PTOV1: variants seen among roughly 807,000 people sequenced by gnomAD.
PTOV1 encodes PTOV1 extended AT-hook containing adaptor protein.
PTOV1 carries 20 observed loss-of-function variants against 58.0 expected under a neutral mutation model. The observed-to-expected ratio is 0.34, with a 90% CI of 0.24 to 0.50. The LOEUF (loss-of-function observed/expected upper bound fraction) is 0.50, where lower values mean the gene tolerates loss of function less well. Among genes scored for constraint, PTOV1 ranks in the 20% least tolerant of loss-of-function variants. The pLI is 0.98. For missense variants in PTOV1, 593 were observed against 565.4 expected, an observed-to-expected ratio of 1.05 and a Z score of -0.50; for synonymous variants, 335 against 234.2, an observed-to-expected ratio of 1.43 and a Z score of -3.93.
exon 12 of PTOV1, chr19:49,860,475 T>C (rs1468825195): frequency 3.6e-6 from 3 of 833,182 alleles, no homozygotes; most frequent in African/African-American, 3.4e-5. Context: ...TCCTAGGCTG[T>C]CGGGAAACTG....
intron 3 of PTOV1, 45 bp downstream of exon 3, chr19:49,854,779 G>C: frequency 6.2e-7 from 1 of 1,613,116 alleles, no homozygotes; most frequent in South Asian, 1.1e-5. Context: ...AGGGGCAGTG[G>C]CTGTGGCCGT....
intron 1 of PTOV1, chr19:49,853,092 A>T (rs1032132748): frequency 6.6e-6 from 1 of 152,216 alleles, no homozygotes; most frequent in African/African-American, 2.4e-5. Flanking sequence ...GCGTGGGTGG[A>T]GAGCAAGTTT....
chr19:49,853,493 T>TAAAAA (rs34050372), intron 1 of PTOV1, among the ~76,000 whole-genome samples: 1 of 113,596 alleles, frequency 8.8e-6, no homozygotes. Flanking sequence ...CCATCTCTAC[T>TAAAAA]AAAAAAAAAA....
chr19:49,856,996 C>A, exon 6 of PTOV1: 3 of 1,613,470 alleles, frequency 1.9e-6, no homozygotes, highest in South Asian at 2.2e-5. Context: ...GCTGTTCCCC[C>A]ACATCTCCCC....
At chr19:49,851,804 G>T (rs1234840118) in intron 1 of PTOV1, 3 of 1,026,840 alleles carry the variant, frequency 2.9e-6, no homozygotes, top group African/African-American at 1.7e-5. Flanking sequence ...CAGCCGGCAC[G>T]CTCGCTTGTT....
exon 3 of PTOV1, chr19:49,854,674 C>T: frequency 3.1e-6 from 5 of 1,613,538 alleles, no homozygotes; most frequent in Non-Finnish European, 4.2e-6. Flanking sequence ...TACTCTGACT[C>T]CACTGCAAAG....
chr19:49,851,027 GGA>G, upstream of PTOV1: 1 of 1,526,196 alleles, frequency 6.6e-7, no homozygotes, highest in Non-Finnish European at 8.8e-7. Flanking sequence ...CCCCCGCGCC[GGA>G]GAGGCCCGCA....
At chr19:49,857,165 AG>A (rs2074508573) in intron 6 of PTOV1, 35 bp downstream of exon 6, 1 of 1,609,716 alleles carries the variant, frequency 6.2e-7, no homozygotes, top group Middle Eastern at 1.7e-4. Flanking sequence ...CTGGGGACAG[AG>A]GGGGATTAGA....
chr19:49,860,650 A>C (rs1243935059), exon 12 of PTOV1: 3 of 424,904 alleles, frequency 7.1e-6, no homozygotes, highest in African/African-American at 4.0e-5. Context: ...TGGGGACTTC[A>C]ACTGCCCAGC....
exon 11 of PTOV1, chr19:49,860,045 G>A: frequency 1.2e-6 from 2 of 1,614,220 alleles, no homozygotes; most frequent in Non-Finnish European, 8.5e-7. Flanking sequence ...TTATGCTCCT[G>A]TACTCTTCAG....
intron 9 of PTOV1, 110 bp downstream of exon 9, chr19:49,858,224 G>A (rs967814402): frequency 1.6e-5 from 21 of 1,345,522 alleles, no homozygotes; most frequent in East Asian, 7.5e-5. Context: ...GTGAGGGAGC[G>A]GAGCTGAGGG....
exon 1 of PTOV1, chr19:49,851,191 G>T: frequency 8.2e-7 from 1 of 1,216,786 alleles, no homozygotes; most frequent in Non-Finnish European, 1.0e-6. Flanking sequence ...CACTCCGGCG[G>T]CGCGTCCCCC....
chr19:49,851,086 G>A, upstream of PTOV1: 1 of 1,447,332 alleles, frequency 6.9e-7, no homozygotes, highest in Non-Finnish European at 9.1e-7. Context: ...CCGCTCCCCC[G>A]CGCCGCCTTG....
intron 7 of PTOV1, 49 bp downstream of exon 7, chr19:49,857,831 C>G: frequency 1.2e-6 from 2 of 1,612,664 alleles, no homozygotes. Flanking sequence ...TCCTCACGGA[C>G]TGTGGCTGGG....
chr19:49,850,836 T>A, upstream of PTOV1: 1 of 1,533,760 alleles, frequency 6.5e-7, no homozygotes, highest in African/African-American at 1.4e-5. Context: ...TCTTCCCTGA[T>A]GTATTTTGGC....
At chr19:49,858,836 C>A (rs1280684821) in intron 10 of PTOV1, 183 bp downstream of exon 10, 3 of 576,264 alleles carry the variant, frequency 5.2e-6, no homozygotes, top group African/African-American at 1.9e-5. Flanking sequence ...CTGGATGGGG[C>A]ACTGACCCTG....
intron 1 of PTOV1, chr19:49,852,884 C>T (rs191839256): frequency 6.6e-6 from 1 of 152,336 alleles, no homozygotes; most frequent in African/African-American, 2.4e-5. Context: ...AAAGTCACCT[C>T]CAGCTGTGCG....
chr19:49,850,847 G>A (rs1455129436), upstream of PTOV1: 4 of 1,534,868 alleles, frequency 2.6e-6, no homozygotes, highest in Non-Finnish European at 3.5e-6. Flanking sequence ...GTATTTTGGC[G>A]CGGTCTCCTG....
chr19:49,851,827 G>C, intron 1 of PTOV1: 1 of 1,002,248 alleles, frequency 1.0e-6, no homozygotes, highest in Non-Finnish European at 1.2e-6. Context: ...TCCTATTGGA[G>C]AGTTGCTCGC....
Sources: gnomAD v4.1 joint callset for allele counts (sites outside exome capture counted in the v4.1 genomes callset) on GRCh38, gnomAD v4.1.1 for gene constraint, MANE v1.5 for transcripts, NCBI Gene and HGNC (gene_info 2026-07-23, HGNC 2026-07-21) for gene names.